The following HIPK3 variants were observed in gnomAD, a reference collection of about 807,000 sequenced individuals.
HIPK3 encodes the protein homeodomain-interacting protein kinase 3.
A neutral mutation model predicts 124.2 loss-of-function variants in HIPK3; 47 were observed. The observed-to-expected ratio is 0.38, with a 90% CI of 0.30 to 0.48. The LOEUF (loss-of-function observed/expected upper bound fraction) is 0.48, where lower values mean the gene tolerates loss of function less well. HIPK3 is among the 20% of genes least tolerant of loss of function. HIPK3 has a pLI of 0.98. For missense variants in HIPK3, 1,286 were observed against 1,454.3 expected (o/e 0.88, Z 1.88); for synonymous variants, 482 against 515.2 (o/e 0.94, Z 0.87).
intron 2 of HIPK3, among the ~76,000 whole-genome samples, chr11:33,303,318 A>G (rs1852058273): frequency 6.6e-6 from 1 of 152,204 alleles, no homozygotes; most frequent in Admixed American, 6.5e-5. Flanking sequence ...GGGAATATTT[A>G]CAAGGAAAAA....
rs539849560 is a variant in HIPK3 at position 33,299,438 on chromosome 11, A to G, written c.1097+11927A>G. The stretch of plus-strand genomic sequence containing the variant: ...AGTGAGCCGAGATCATGCCACTGCA[A>G]TTCCAGCCTGGGCTGCAGAACGAGA... On this transcript the variant is annotated intron_variant, in intron 2 of 16. Transcript: ENST00000303296. Among the ~76,000 whole-genome samples the G allele has an allele frequency of 6.6e-5, 10 of 151,822 alleles. No individual in the cohort carries two copies. The East Asian group carries it at 2.0e-3, about 30-fold the overall frequency.
intron 7 of HIPK3, 53 bp from the exon 8 acceptor site, chr11:33,341,510 G>A: frequency 1.4e-6 from 2 of 1,480,582 alleles, no homozygotes; most frequent in Non-Finnish European, 1.8e-6. Flanking sequence ...TATTTATACA[G>A]CGTGTATATT....
intron 8 of HIPK3, 78 bp from the exon 9 acceptor site, chr11:33,347,215 C>G: frequency 7.4e-7 from 1 of 1,349,764 alleles, no homozygotes; most frequent in Non-Finnish European, 1.0e-6. Flanking sequence ...CTAAGCAATT[C>G]TTGACATTTA....
chr11:33,300,439 C>T (rs533468110), intron 2 of HIPK3, among the ~76,000 whole-genome samples: 1 of 152,202 alleles, frequency 6.6e-6, no homozygotes, highest in South Asian at 2.1e-4. Flanking sequence ...TGAGACCCTC[C>T]ACCAGCCAAC....
chr11:33,275,046 T>A (rs1379625664), intron 1 of HIPK3, among the ~76,000 whole-genome samples: 4 of 146,712 alleles, frequency 2.7e-5, no homozygotes, highest in Non-Finnish European at 6.0e-5. Flanking sequence ...GTAGACACAA[T>A]TTTTTTTTTT....
Position 33,348,671 on chromosome 11 carries a change from C to T in HIPK3, c.2519C>T (p.Ser840Phe), listed in dbSNP as rs1590193883. 6.2e-7 allele frequency: 1 copy of T among 1,614,168 alleles called. No homozygotes were observed. Residue 840 changes from serine to phenylalanine, a missense_variant, in exon 13 of 17, where the codon TCT (serine) becomes TTT (phenylalanine). Transcript: ENST00000303296. ...GAGGCAAGAAATTGCTGTGAAACAT[C>T]TATCAGACAGGACTCTGATTCATCA... is the stretch of plus-strand genomic sequence containing the variant. ...EGEARNCCET[S>F]IRQDSDSSVS... is the part of the protein sequence containing the mutation.
chr11:33,306,938 CTTTTTT>C (rs371207899), intron 2 of HIPK3, among the ~76,000 whole-genome samples: 1 of 136,688 alleles, frequency 7.3e-6, no homozygotes, highest in Non-Finnish European at 1.6e-5. Flanking sequence ...GATGCATCCA[CTTTTTT>C]TTTTTTTTTT....
rs1207804786 is a variant in HIPK3, at chr11:33,306,431, T to G, written c.1097+18920T>G. Reference sequence around the variant, plus strand: ...GTCTAATATGACAGAAATATGTGTTTAAATTTATTAAAGATTTTACTTGCT... The same window carrying G: ...GTCTAATATGACAGAAATATGTGTTGAAATTTATTAAAGATTTTACTTGCT... On this transcript the variant is annotated intron_variant, in intron 2 of 16. Coordinates refer to ENST00000303296, the MANE Select transcript of HIPK3 (RefSeq NM_005734.5). Among the ~76,000 whole-genome samples the G allele has an allele frequency of 6.6e-5, 10 of 151,926 alleles. No individual in the cohort carries two copies. In the East Asian group the frequency reaches 1.9e-3, roughly 29 times the overall value.
chr11:33,339,210 T>G (rs1376866832), intron 5 of HIPK3, 140 bp from the exon 6 acceptor site: 1 of 585,930 alleles, frequency 1.7e-6, no homozygotes, highest in East Asian at 2.7e-5. Context: ...TAATATTATT[T>G]GTTCTTCTTT....
intron 1 of HIPK3, among the ~76,000 whole-genome samples, chr11:33,266,897 A>C (rs943449223): frequency 3.3e-5 from 5 of 152,152 alleles, no homozygotes; most frequent in Admixed American, 6.5e-5. Flanking sequence ...TAATTTAAAT[A>C]AAAGAAGGTC....
At position 33,352,207 on chromosome 11, in the gene HIPK3, G is replaced by A. The variant is rs746065570; in HGVS notation, c.3113G>A (p.Gly1038Asp). Residue 1038 changes from glycine (G) to aspartate (D), a missense_variant, in exon 16 of 17, where the codon GGT becomes GAT. Coordinates refer to ENST00000303296, the MANE Select transcript of HIPK3 (RefSeq NM_005734.5). The stretch of plus-strand genomic sequence containing the variant: ...AGATTAAACCAGCCTTCTGCAGTGG[G>A]TACTCGTCAGCAAAAATTGACATCA... Reference protein sequence around the residue: ...PGRLNQPSAVGTRQQKLTSAF... With the variant: ...PGRLNQPSAVDTRQQKLTSAF... The A allele has an allele frequency of 9.3e-6, 15 of 1,613,796 alleles. No homozygotes were observed. Among genetic ancestry groups the A allele is most frequent in the African/African-American group, 6.7e-5 (5 of 74,882 alleles).
At chr11:33,337,915 G>A (rs928466744) in intron 4 of HIPK3, among the ~76,000 whole-genome samples, 8 of 151,966 alleles carry the variant, frequency 5.3e-5, no homozygotes, top group East Asian at 1.9e-4. Context: ...CTTGTGATCC[G>A]CCTGCCTTGG....
chr11:33,335,031 A>T (rs979490579), intron 3 of HIPK3, among the ~76,000 whole-genome samples: 2 of 152,208 alleles, frequency 1.3e-5, no homozygotes, highest in South Asian at 4.1e-4. Flanking sequence ...TTGGGGGAGC[A>T]TGATGAGGAA....
intron 2 of HIPK3, among the ~76,000 whole-genome samples, chr11:33,306,830 C>G (rs1378994516): frequency 1.3e-5 from 2 of 152,094 alleles, no homozygotes; most frequent in Admixed American, 1.3e-4. Context: ...GGGAGTCTCC[C>G]ATAGTTGTTT....
intron 12 of HIPK3, 89 bp downstream of exon 12, chr11:33,348,317 A>G (rs2133998179): frequency 8.0e-7 from 1 of 1,244,016 alleles, no homozygotes; most frequent in Non-Finnish European, 1.1e-6. Context: ...ACCAAAAAGC[A>G]ACTATTTAAA....
intron 1 of HIPK3, among the ~76,000 whole-genome samples, chr11:33,265,350 A>C (rs965226818): frequency 6.6e-6 from 1 of 152,224 alleles, no homozygotes; most frequent in Non-Finnish European, 1.5e-5. Context: ...TATTGGGTTC[A>C]AAAATAGTGG....
intron 3 of HIPK3, among the ~76,000 whole-genome samples, 159 bp downstream of exon 3, chr11:33,328,792 T>G (rs549809809): frequency 6.6e-5 from 10 of 152,198 alleles, no homozygotes; most frequent in African/African-American, 2.4e-4. Flanking sequence ...AAAACTGTTT[T>G]ATAATGCTGA....
At chr11:33,259,345 A>G (rs1340646960) in intron 1 of HIPK3, among the ~76,000 whole-genome samples, 2 of 152,324 alleles carry the variant, frequency 1.3e-5, no homozygotes, top group South Asian at 2.1e-4. Flanking sequence ...CATATGTTTG[A>G]TAAGTCTAGA....
At chr11:33,306,200 T>C (rs978394226) in intron 2 of HIPK3, among the ~76,000 whole-genome samples, 1 of 152,220 alleles carries the variant, frequency 6.6e-6, no homozygotes, top group Non-Finnish European at 1.5e-5. Context: ...GTGTATGTTA[T>C]AGGAATGTAT....
Sources: gnomAD v4.1 joint callset for allele counts (sites outside exome capture counted in the v4.1 genomes callset) on GRCh38, gnomAD v4.1.1 for gene constraint, MANE v1.5 for transcripts, NCBI Gene and HGNC (gene_info 2026-07-23, HGNC 2026-07-21) for gene names.